SELP: variants seen among roughly 807,000 people sequenced by gnomAD.
SELP encodes P-selectin.
A neutral mutation model predicts 104.1 loss-of-function variants in SELP; 92 were observed. The observed-to-expected ratio is 0.88, with a 90% CI of 0.75 to 1.05. The LOEUF (loss-of-function observed/expected upper bound fraction) is 1.05. SELP is among the 50% of genes least tolerant of loss of function. SELP has a pLI of 0.00. For synonymous variants in SELP, 397 were observed against 364.5 expected (o/e 1.09, Z -1.01); for missense variants, 1,022 against 1,017.3 (o/e 1.00, Z -0.06).
At chr1:169,609,732 C>A in intron 7 of SELP, 43 bp from the exon 8 acceptor site, 1 of 1,546,086 alleles carries the variant, frequency 6.5e-7, no homozygotes, top group South Asian at 1.2e-5. Context: ...AATGGAAGGG[C>A]CGGGTTCTTC....
intron 4 of SELP, 43 bp downstream of exon 4, chr1:169,613,543 C>A: frequency 1.4e-6 from 2 of 1,465,198 alleles, no homozygotes; most frequent in Non-Finnish European, 1.9e-6. Context: ...GGCATCATCT[C>A]TAGCATAAAA....
At chr1:169,620,050 A>T (rs1173484260) in intron 1 of SELP, among the ~76,000 whole-genome samples, 3 of 151,166 alleles carry the variant, frequency 2.0e-5, no homozygotes, top group East Asian at 1.9e-4. Flanking sequence ...AAAGTACATT[A>T]AAAAAAAATT....
Position 169,597,163 on chromosome 1 carries a change from TGG to T in SELP, c.1717_1718del (p.Pro573ArgfsTer14). The T allele has an allele frequency of 6.3e-7, 1 of 1,596,648 alleles. No individual in the cohort carries two copies. The highest frequency in any genetic ancestry group is 1.7e-5 in the Admixed American group (1 of 58,212). ...TGCCCTGCTCTGGGGCAAAGAGTTC[TGG>T]GCACTTGATGGCTAGAGTATCAAAT... ...SPPMCEAIKCPELFAPEQGSL... is the reference protein window; with the variant it reads ...SPPMCEAIKCXELFAPEQGSL... On this transcript the variant is annotated frameshift_variant, in exon 11 of 17. Coordinates refer to ENST00000263686, the MANE Select transcript of SELP (RefSeq NM_003005.4). LOFTEE classifies it high-confidence loss of function.
Position 169,617,258 on chromosome 1 carries a change from G to A in SELP, c.251C>T (p.Pro84Leu). 6.2e-7 allele frequency: 1 copy of A among 1,614,056 alleles called. No homozygotes were observed. Among genetic ancestry groups the A allele is most frequent in the Non-Finnish European group, 8.5e-7 (1 of 1,179,998 alleles). ...AATCCAGTAGTAGGAGCTGTAGTAG[G>A]GTAGGACCTTATTGAGGTAATCAAT... The part of the protein sequence containing the change: ...NEIDYLNKVL[P>L]YYSSYYWIGI... Residue 84 changes from proline to leucine, a missense_variant, in exon 3 of 17, where the codon CCC becomes CTC. Coordinates refer to ENST00000263686, the MANE Select transcript of SELP (RefSeq NM_003005.4).
At chr1:169,590,250 C>T (rs756855010) in intron 15 of SELP, 48 bp from the exon 16 acceptor site, 3 of 1,366,332 alleles carry the variant, frequency 2.2e-6, no homozygotes, top group Admixed American at 1.7e-5. Context: ...GCTTAGTTCT[C>T]GACAACACAG....
At chr1:169,600,355 C>T (rs3917782) in intron 10 of SELP, among the ~76,000 whole-genome samples, 99,514 of 152,106 alleles carry the variant, frequency 0.65, 33,552 homozygotes, top group East Asian at 0.96. Flanking sequence ...AATCTAAAGA[C>T]GGTTTAAAAG....
intron 14 of SELP, among the ~76,000 whole-genome samples, chr1:169,592,670 G>C (rs1661408326): frequency 6.6e-6 from 1 of 152,170 alleles, no homozygotes; most frequent in African/African-American, 2.4e-5. Context: ...TGAACAGTCT[G>C]ATGAACACAG....
intron 12 of SELP, 79 bp from the exon 13 acceptor site, chr1:169,594,956 C>G (rs1398316278): frequency 4.0e-5 from 52 of 1,311,128 alleles, no homozygotes; most frequent in Non-Finnish European, 5.3e-5. Context: ...TGTAACCTAA[C>G]ATTGCCAATA....
chr1:169,591,724 G>A (rs1445021835), intron 14 of SELP, among the ~76,000 whole-genome samples: 5 of 152,076 alleles, frequency 3.3e-5, no homozygotes. Flanking sequence ...TCTTTTGAGG[G>A]CATCTTGTGT....
rs1028178302 is a variant in SELP, at chr1:169,594,673, A to C, written c.2287+19T>G. On this transcript the variant is annotated intron_variant, in intron 13 of 16. Transcript: ENST00000263686. ...TTTTCCACATCAAAGTGACTTCTTA[A>C]CCCACATGAAAATTGTACCTTGGCA... 1 of 1,609,476 alleles carries C rather than the reference A, an allele frequency of 6.2e-7. No individual in the cohort carries two copies. The highest frequency in any genetic ancestry group is 1.3e-5 in the African/African-American group (1 of 74,936).
rs764950571 is a variant in SELP, at chr1:169,617,091, A to C, written c.418T>G (p.Ser140Ala). ...DCVEIYIKSP[S>A]APGKWNDEHC... ...TCATCATTCCACTTGCCAGGGGCTG[A>C]CGGACTCTTGATGTATATCTCCACG... is the stretch of plus-strand genomic sequence containing the variant. The change falls in exon 3 of 17, where the codon TCA becomes GCA. Residue 140 changes from serine to alanine, a missense_variant. Ser to Ala is a moderately conservative substitution (Grantham distance 99). Transcript: ENST00000263686. 2 of 1,613,802 alleles carry C rather than the reference A, an allele frequency of 1.2e-6. No individual in the cohort carries two copies. Among genetic ancestry groups the C allele is most frequent in the Admixed American group, 3.3e-5 (2 of 59,994 alleles).
intron 8 of SELP, 71 bp from the exon 9 acceptor site, chr1:169,607,205 T>G (rs953904751): frequency 9.4e-6 from 12 of 1,281,674 alleles, no homozygotes; most frequent in Non-Finnish European, 1.2e-5. Context: ...GACCATTAAC[T>G]CTTTCTAGTG....
At chr1:169,596,520 G>C (rs1447992711) in intron 11 of SELP, among the ~76,000 whole-genome samples, 1 of 152,230 alleles carries the variant, frequency 6.6e-6, no homozygotes, top group African/African-American at 2.4e-5. Flanking sequence ...AAAGGTCAAT[G>C]TGAAAGTTGA....
chr1:169,589,125 C>A lies in SELP; in HGVS notation c.*338G>T, dbSNP rs1426562953. The A allele has an allele frequency of 6.6e-6, 1 of 152,188 alleles. No individual in the cohort carries two copies. The highest frequency in any genetic ancestry group is 1.5e-5 in the Non-Finnish European group (1 of 68,038). 9.4% of individuals were successfully genotyped at this position (152,188 alleles called of 1,614,324 possible). ...CTGCTTTCCAACAAAGTGGAGAAAA[C>A]CTTCCTTCAATCAAAAAATAAAGAG... On this transcript the variant is annotated 3_prime_UTR_variant, in exon 17 of 17. Coordinates refer to ENST00000263686, the MANE Select transcript of SELP (RefSeq NM_003005.4).
intron 13 of SELP, among the ~76,000 whole-genome samples, chr1:169,594,438 T>C (rs1211434887): frequency 3.3e-5 from 5 of 152,164 alleles, no homozygotes; most frequent in Non-Finnish European, 5.9e-5. Flanking sequence ...ACAGAGATTA[T>C]AACGAAGCAA....
At position 169,609,768 on chromosome 1, in the gene SELP, A is replaced by G; in HGVS notation, c.1148-79T>C. On this transcript the variant is annotated intron_variant, in intron 7 of 16. Transcript: ENST00000263686. ...CTCAGAAAAAATTCCTAGATGCTATATCTTTCCTGTCCACATTTTCAGTGT... is the reference window on the plus strand; with the variant it reads ...CTCAGAAAAAATTCCTAGATGCTATGTCTTTCCTGTCCACATTTTCAGTGT... 15 of 1,317,632 alleles carry G rather than the reference A, an allele frequency of 1.1e-5. No individual in the cohort carries two copies. In the Middle Eastern group the frequency reaches 8.5e-4, roughly 74 times the overall value. The allele number at this position is 1,317,632 out of a possible 1,614,324, so 81.6% of individuals were successfully genotyped here. A position where few individuals can be genotyped will look rare whatever the true frequency, so the allele number is the denominator to read the frequency against.
At chr1:169,608,974 T>A (rs1039748142) in intron 8 of SELP, among the ~76,000 whole-genome samples, 1 of 151,592 alleles carries the variant, frequency 6.6e-6, no homozygotes, top group East Asian at 1.9e-4. Context: ...ACCACAGACA[T>A]GTGATTTATA....
intron 7 of SELP, among the ~76,000 whole-genome samples, chr1:169,610,760 CAG>C (rs1180725410): frequency 2.0e-5 from 3 of 152,034 alleles, no homozygotes; most frequent in Non-Finnish European, 2.9e-5. Context: ...GCCTGGGCGA[CAG>C]AGTGAGACTC....
Position 169,595,228 on chromosome 1 carries a change from G to T in SELP, c.2102-351C>A, listed in dbSNP as rs566873081. 8.5e-5 allele frequency among the ~76,000 whole-genome samples: 13 copies of T among 152,246 alleles called. No homozygotes were observed. The South Asian group carries it at 2.5e-3, about 29-fold the overall frequency. ...TTATTACTACATTTGTGATCAACTG[G>T]CATGTCAGTATGTGTTTATTGAAAT... On this transcript the variant is annotated intron_variant, in intron 12 of 16. Coordinates refer to ENST00000263686, the MANE Select transcript of SELP (RefSeq NM_003005.4).
Sources: allele counts gnomAD v4.1 joint callset (sites outside exome capture counted in the v4.1 genomes callset), GRCh38; gene constraint gnomAD v4.1.1; transcripts MANE v1.5; gene names NCBI Gene and HGNC (gene_info 2026-07-23, HGNC 2026-07-21).